The following DHX8 variants were observed in gnomAD, a reference collection of about 807,000 sequenced individuals.
DHX8 encodes the protein ATP-dependent RNA helicase DHX8.
In DHX8, 67 loss-of-function variants were observed where a neutral mutation model predicts 140.7. The observed-to-expected ratio is 0.48, with a 90% CI of 0.39 to 0.58. The LOEUF is 0.58. DHX8 is among the 20% of genes least tolerant of loss of function. The probability of loss-of-function intolerance (pLI) is 0.00; values close to 1 mark genes in which losing one functional copy is unlikely to be tolerated. For missense variants in DHX8, 887 were observed against 1,550.7 expected (o/e 0.57, Z 7.19); for synonymous variants, 533 against 553.2 (o/e 0.96, Z 0.51).
chr17:43,496,490 T>A (rs1023020643), intron 9 of DHX8, among the ~76,000 whole-genome samples: 2 of 152,168 alleles, frequency 1.3e-5, no homozygotes, highest in African/African-American at 4.8e-5. Flanking sequence ...TATAATAAGC[T>A]CTCAGGGCCA....
In DHX8 at chr17:43,525,158, C is replaced by T. The variant is rs1970569399; in HGVS notation, c.*1311C>T. The T allele has an allele frequency of 1.0e-6, 1 of 985,400 alleles. No homozygotes were observed. The highest frequency in any genetic ancestry group is 1.2e-6 in the Non-Finnish European group (1 of 829,948). 61.0% of individuals were successfully genotyped at this position (985,400 alleles called of 1,614,324 possible). ...TTGCCAGGCCAGGTTTCGGAACTTA[C>T]GGAAAGCTGGTCTGGATGTAGTGCT... is the stretch of plus-strand genomic sequence containing the variant. On this transcript the variant is annotated 3_prime_UTR_variant, in exon 23 of 23. Transcript: ENST00000262415.
intron 11 of DHX8, among the ~76,000 whole-genome samples, chr17:43,502,534 C>T (rs1038709132): frequency 6.6e-6 from 1 of 152,130 alleles, no homozygotes; most frequent in Non-Finnish European, 1.5e-5. Context: ...AAGCGATTCT[C>T]CTGCCTCAGC....
chr17:43,544,124 G>A (rs1321088449), intron 3 of DHX8: 1 of 152,242 alleles, frequency 6.6e-6, no homozygotes, highest in Admixed American at 6.5e-5. Flanking sequence ...TTCCCTCTCA[G>A]AGACTGTCTA....
chr17:43,541,827 A>G (rs982794930), intron 3 of DHX8, among the ~76,000 whole-genome samples: 4 of 152,150 alleles, frequency 2.6e-5, no homozygotes, highest in Non-Finnish European at 4.4e-5. Context: ...TGTCCCCAAG[A>G]GTCTTCAGGA....
In DHX8 at chr17:43,489,539, G is replaced by A; in HGVS notation, c.234+5G>A. 1.3e-6 allele frequency: 2 copies of A among 1,551,732 alleles called. No individual in the cohort carries two copies. The highest frequency in any genetic ancestry group is 1.1e-5 in the South Asian group (1 of 88,092). On this transcript the variant is annotated splice_donor_5th_base_variant and intron_variant, in intron 2 of 22. Coordinates refer to ENST00000262415, the MANE Select transcript of DHX8 (RefSeq NM_004941.3). ...AAAAATGGTGCAGAATTTACGGTAT[G>A]TATATGTGGAGAAGATAATCTGTAG...
At chr17:43,529,906 G>A (rs11538246), downstream of DHX8, 14 of 1,614,048 alleles carry the variant, frequency 8.7e-6, no homozygotes, top group African/African-American at 4.0e-5. Flanking sequence ...CAGGGACAAC[G>A]CAGACATCAT....
chr17:43,485,614 A>C (rs1489857213), intron 1 of DHX8, among the ~76,000 whole-genome samples: 1 of 152,064 alleles, frequency 6.6e-6, no homozygotes, highest in African/African-American at 2.4e-5. Context: ...GGCTAGGCAT[A>C]CCACAGAGAA....
chr17:43,501,302 G>A (rs565239886), intron 11 of DHX8, among the ~76,000 whole-genome samples: 3 of 152,162 alleles, frequency 2.0e-5, no homozygotes, highest in East Asian at 1.9e-4. Flanking sequence ...GGAGTAGCCC[G>A]TGTTGGGTTT....
intron 1 of DHX8, among the ~76,000 whole-genome samples, chr17:43,486,072 C>G (rs1037505710): frequency 8.0e-6 from 1 of 124,618 alleles, no homozygotes; most frequent in Non-Finnish European, 1.8e-5. Flanking sequence ...GCCATGGTGA[C>G]TGGTGCTATG....
At position 43,525,125 on chromosome 17, in the gene DHX8, G is replaced by A. The variant is rs930798233; in HGVS notation, c.*1278G>A. The A allele has an allele frequency of 1.0e-6, 1 of 985,306 alleles. No homozygotes were observed. Among genetic ancestry groups the A allele is most frequent in the African/African-American group, 1.7e-5 (1 of 57,226 alleles). The allele number at this position is 985,306 out of a possible 1,614,324, so 61.0% of individuals were successfully genotyped here. A position where few individuals can be genotyped will look rare whatever the true frequency, so the allele number is the denominator to read the frequency against. On this transcript the variant is annotated 3_prime_UTR_variant, in exon 23 of 23. Coordinates refer to ENST00000262415, the MANE Select transcript of DHX8 (RefSeq NM_004941.3). ...AGGCTCCTTACCTGGCGGAACATCA[G>A]GCAGGTCTTGCCAGGCCAGGTTTCG...
downstream of DHX8, chr17:43,526,740 C>A: frequency 1.5e-6 from 2 of 1,363,294 alleles, no homozygotes; most frequent in South Asian, 3.5e-5. Context: ...CACCTTCTTC[C>A]CACCACGATA....
intron 10 of DHX8, 39 bp downstream of exon 10, chr17:43,498,998 G>T: frequency 6.7e-7 from 1 of 1,491,418 alleles, no homozygotes; most frequent in South Asian, 1.2e-5. Context: ...AATGTCAAGT[G>T]GACTTCTTTT....
Position 43,508,527 on chromosome 17 carries a change from T to C in DHX8, c.2502+7T>C, listed in dbSNP as rs780431999. 1.9e-6 allele frequency: 3 copies of C among 1,600,830 alleles called. No homozygotes were observed. In the South Asian group the frequency reaches 3.4e-5, roughly 18 times the overall value. ...TCCACCAGGCAGCAGAAAGGTAACA[T>C]GGGCAAAAATGAAGCTTCCATGTGC... On this transcript the variant is annotated splice_region_variant and intron_variant, in intron 16 of 22. Coordinates refer to ENST00000262415, the MANE Select transcript of DHX8 (RefSeq NM_004941.3).
Position 43,488,254 on chromosome 17 carries a change from G to C in DHX8, c.149-1195G>C, listed in dbSNP as rs563255119. On this transcript the variant is annotated intron_variant, in intron 1 of 22. Transcript: ENST00000262415. The stretch of plus-strand genomic sequence containing the variant: ...GATCCCGCCACTGCACTCCAGCCTG[G>C]GCGACAGAGCGAGACTCCGTCTCAA... Among the ~76,000 whole-genome samples, 505 of 151,860 alleles carry C rather than the reference G, an allele frequency of 3.3e-3. 4 individuals carry two copies. Among genetic ancestry groups the C allele is most frequent in the African/African-American group, 0.012 (480 of 41,370 alleles).
chr17:43,495,949 T>C (rs1414078318), intron 8 of DHX8, among the ~76,000 whole-genome samples: 1 of 151,942 alleles, frequency 6.6e-6, no homozygotes, highest in Non-Finnish European at 1.5e-5. Flanking sequence ...AATTTAAAAA[T>C]TAGCCAGGTA....
chr17:43,520,733 C>CT lies in DHX8; in HGVS notation c.2938-11dup, dbSNP rs752564797. On this transcript the variant is annotated splice_polypyrimidine_tract_variant and intron_variant, in intron 19 of 22. Transcript: ENST00000262415. ...TCTTCCACAGGGAAGCAGTTGTAGT[C>CT]TTTTTTTGTCCCTCTAGATGGCAGA... The CT allele has an allele frequency of 4.3e-6, 7 of 1,613,670 alleles. No individual in the cohort carries two copies. Among genetic ancestry groups the CT allele is most frequent in the African/African-American group, 1.3e-5 (1 of 74,894 alleles).
intron 12 of DHX8, 79 bp from the exon 13 acceptor site, chr17:43,506,924 C>T: frequency 4.6e-6 from 5 of 1,095,024 alleles, no homozygotes; most frequent in South Asian, 1.9e-5. Flanking sequence ...TTTTAATGAC[C>T]ATATTTATAT....
At chr17:43,500,998 TATAGTC>T (rs1969161481) in intron 11 of DHX8, among the ~76,000 whole-genome samples, 1 of 152,166 alleles carries the variant, frequency 6.6e-6, no homozygotes, top group East Asian at 1.9e-4. Flanking sequence ...AGCTACTAGA[TATAGTC>T]ATAACAAATA....
At chr17:43,537,475 C>T (rs959588684) in intron 3 of DHX8, among the ~76,000 whole-genome samples, 1 of 151,174 alleles carries the variant, frequency 6.6e-6, no homozygotes, top group Non-Finnish European at 1.5e-5. Flanking sequence ...GGGAGGATCA[C>T]TTGAGATCAG....
Sources: allele counts gnomAD v4.1 joint callset (sites outside exome capture counted in the v4.1 genomes callset), GRCh38; gene constraint gnomAD v4.1.1; transcripts MANE v1.5; gene names NCBI Gene and HGNC (gene_info 2026-07-23, HGNC 2026-07-21).